Variants in FHIT observed in about 807,000 individuals in gnomAD.
The protein encoded by FHIT is bis(5'-adenosyl)-triphosphatase.
A neutral mutation model predicts 17.9 loss-of-function variants in FHIT; 19 were observed. The ratio of observed to expected loss-of-function variants is 1.06; its 90% CI spans 0.74 to 1.56. FHIT has a LOEUF of 1.56. FHIT is among the 40% of genes most tolerant of loss of function. FHIT has a pLI of 0.00. For synonymous variants in FHIT, 81 were observed against 69.7 expected (o/e 1.16, Z -0.81); for missense variants, 248 against 189.2 (o/e 1.31, Z -1.82).
chr3:59,758,300 C>T (rs1003569931), intron 8 of FHIT, among the ~76,000 whole-genome samples: 2 of 152,210 alleles, frequency 1.3e-5, no homozygotes, highest in Non-Finnish European at 2.9e-5. Flanking sequence ...CTAATTACAG[C>T]ACTGTTCCCT....
intron 3 of FHIT, among the ~76,000 whole-genome samples, chr3:60,923,360 C>A (rs535315529): frequency 6.6e-6 from 1 of 152,274 alleles, no homozygotes; most frequent in East Asian, 1.9e-4. Context: ...TCAGAGCCTC[C>A]ATTTCCCTGT....
intron 5 of FHIT, among the ~76,000 whole-genome samples, chr3:60,513,462 G>C (rs1285986188): frequency 2.6e-5 from 4 of 152,146 alleles, no homozygotes; most frequent in Non-Finnish European, 4.4e-5. Flanking sequence ...AATAAGCAAA[G>C]TTCAAAACAT....
Position 60,980,919 on chromosome 3 carries a change from C to T in FHIT, c.-111+61128G>A, listed in dbSNP as rs907815975. 8.6e-4 allele frequency among the ~76,000 whole-genome samples: 131 copies of T among 152,224 alleles called. 2 individuals carry two copies. Among genetic ancestry groups the T allele is most frequent in the Non-Finnish European group, 2.9e-4 (20 of 68,036 alleles). ...GGTCACATTAACACCTCACAGCCCC[C>T]CTATTTTAGCAATTCCCTGCGTGCT... On this transcript the variant is annotated intron_variant, in intron 3 of 9. Transcript: ENST00000492590.
chr3:60,615,248 T>C (rs2038917354), intron 4 of FHIT, among the ~76,000 whole-genome samples: 3 of 152,188 alleles, frequency 2.0e-5, no homozygotes, highest in Non-Finnish European at 2.9e-5. Flanking sequence ...TGCATAATGG[T>C]TGTTTACCAA....
intron 5 of FHIT, among the ~76,000 whole-genome samples, chr3:60,017,584 T>C (rs1700392584): frequency 6.6e-6 from 1 of 152,214 alleles, no homozygotes; most frequent in South Asian, 2.1e-4. Context: ...ATGGACCTTC[T>C]CACAACACAT....
chr3:59,860,827 C>T (rs1045446764), intron 8 of FHIT, among the ~76,000 whole-genome samples: 1 of 152,166 alleles, frequency 6.6e-6, no homozygotes, highest in African/African-American at 2.4e-5. Context: ...CCCCAAGCTC[C>T]TTCTCTGAAC....
chr3:60,453,857 A>T (rs1272446565), intron 5 of FHIT, among the ~76,000 whole-genome samples: 1 of 152,190 alleles, frequency 6.6e-6, no homozygotes, highest in East Asian at 1.9e-4. Flanking sequence ...GCTAATAAGA[A>T]CACTGAGGAA....
chr3:60,201,689 C>A (rs1702913359), intron 5 of FHIT, among the ~76,000 whole-genome samples: 1 of 151,974 alleles, frequency 6.6e-6, no homozygotes, highest in South Asian at 2.1e-4. Flanking sequence ...CTGATTAGTC[C>A]ACTTCTGTGT....
At chr3:59,839,638 C>T (rs1229740530) in intron 8 of FHIT, among the ~76,000 whole-genome samples, 1 of 152,138 alleles carries the variant, frequency 6.6e-6, no homozygotes, top group Non-Finnish European at 1.5e-5. Flanking sequence ...AGCAGGCAGC[C>T]ATGGCTTCTT....
intron 2 of FHIT, among the ~76,000 whole-genome samples, chr3:61,116,428 A>T (rs976770175): frequency 6.6e-6 from 1 of 152,168 alleles, no homozygotes; most frequent in Non-Finnish European, 1.5e-5. Context: ...GGTTGAACTC[A>T]TTAACTAAGT....
chr3:60,546,409 T>G (rs1328850774), intron 4 of FHIT, among the ~76,000 whole-genome samples: 1 of 152,208 alleles, frequency 6.6e-6, no homozygotes, highest in Non-Finnish European at 1.5e-5. Flanking sequence ...CTTAGTATAT[T>G]CCTACCTCCT....
At chr3:60,002,930 C>T (rs775819022) in intron 7 of FHIT, among the ~76,000 whole-genome samples, 2 of 152,136 alleles carry the variant, frequency 1.3e-5, no homozygotes, top group South Asian at 4.1e-4. Flanking sequence ...TCAGAATCAA[C>T]TGTGGACCTT....
At chr3:60,775,599 G>A (rs1388040025) in intron 4 of FHIT, among the ~76,000 whole-genome samples, 1 of 152,170 alleles carries the variant, frequency 6.6e-6, no homozygotes, top group Non-Finnish European at 1.5e-5. Flanking sequence ...GTCTTTAACT[G>A]AACTATGGAA....
At chr3:60,042,957 G>A (rs1041029955) in intron 5 of FHIT, among the ~76,000 whole-genome samples, 2 of 152,138 alleles carry the variant, frequency 1.3e-5, no homozygotes, top group Non-Finnish European at 2.9e-5. Flanking sequence ...AGTGTCTACT[G>A]TGGCAAGGCA....
In FHIT at chr3:60,732,138, T is replaced by A; in HGVS notation, c.-18+89781A>T. The A allele has an allele frequency of 1.3e-5, 10 of 747,972 alleles. No individual in the cohort carries two copies. In the South Asian group the frequency reaches 1.3e-4, roughly 10 times the overall value. 46.3% of individuals were successfully genotyped at this position (747,972 alleles called of 1,614,324 possible). On this transcript the variant is annotated intron_variant, in intron 4 of 9. Transcript: ENST00000492590. ...TCTGGTGGTTAAGAGAAAACACAAG[T>A]CAAACTTAGTAGAGCTGTCCACAGT...
intron 5 of FHIT, among the ~76,000 whole-genome samples, chr3:60,319,426 T>C (rs1486521525): frequency 6.6e-6 from 1 of 151,438 alleles, no homozygotes; most frequent in African/African-American, 2.4e-5. Context: ...GAGTACACAT[T>C]CTGACAGGGT....
chr3:60,221,199 C>T (rs988649728), intron 5 of FHIT, among the ~76,000 whole-genome samples: 3 of 152,112 alleles, frequency 2.0e-5, no homozygotes, highest in African/African-American at 7.2e-5. Flanking sequence ...ACTGCTATGT[C>T]TAGTTTTCTT....
At chr3:60,123,791 T>C (rs967341141) in intron 5 of FHIT, among the ~76,000 whole-genome samples, 3 of 151,302 alleles carry the variant, frequency 2.0e-5, no homozygotes, top group African/African-American at 7.3e-5. Flanking sequence ...GCTGCTAAAA[T>C]AATTTATAAT....
intron 5 of FHIT, among the ~76,000 whole-genome samples, chr3:60,151,456 T>G (rs1700461616): frequency 6.6e-6 from 1 of 152,152 alleles, no homozygotes; most frequent in South Asian, 2.1e-4. Context: ...AATGTATTCT[T>G]CAAAGAACCA....
Sources: gnomAD v4.1 joint callset for allele counts (sites outside exome capture counted in the v4.1 genomes callset) on GRCh38, gnomAD v4.1.1 for gene constraint, MANE v1.5 for transcripts, NCBI Gene and HGNC (gene_info 2026-07-23, HGNC 2026-07-21) for gene names.